Variants in P2RX6 observed in about 807,000 individuals in gnomAD.
The protein encoded by P2RX6 is P2X purinoceptor 6.
A neutral mutation model predicts 54.2 loss-of-function variants in P2RX6; 62 were observed. That is an observed-to-expected ratio of 1.14 (90% confidence interval 0.93 to 1.41). The LOEUF is 1.41. Among genes scored for constraint, P2RX6 ranks in the 40% most tolerant of loss-of-function variants. The pLI, the probability that P2RX6 is intolerant of heterozygous loss-of-function variation, is 0.00. For missense variants in P2RX6, 541 were observed against 566.3 expected, an observed-to-expected ratio of 0.96 and a Z score of 0.45; for synonymous variants, 211 against 231.9, an observed-to-expected ratio of 0.91 and a Z score of 0.82.
intron 8 of P2RX6, 25 bp downstream of exon 8, chr22:21,023,643 C>T (rs558106994): frequency 1.3e-6 from 2 of 1,523,628 alleles, no homozygotes; most frequent in Non-Finnish European, 1.8e-6. Flanking sequence ...CTCCCAGTGC[C>T]CAGCTGCTGG....
chr22:21,023,070 G>A (rs774372941), intron 5 of P2RX6, 35 bp downstream of exon 5: 28 of 1,611,726 alleles, frequency 1.7e-5, no homozygotes, highest in Middle Eastern at 1.6e-4. Flanking sequence ...CCCAACTGGC[G>A]CAGGGCCCCA....
chr22:21,012,427 C>G (rs1457984121), upstream of P2RX6: 4 of 394,972 alleles, frequency 1.0e-5, no homozygotes, highest in African/African-American at 8.4e-5. Flanking sequence ...GCAACACCAG[C>G]AGGACCCAGG....
At position 21,026,875 on chromosome 22, in the gene P2RX6, G is replaced by A. The variant is rs1050727693; in HGVS notation, c.*258G>A. The A allele has an allele frequency of 1.7e-5, 11 of 629,326 alleles. No individual in the cohort carries two copies. The highest frequency in any genetic ancestry group is 1.3e-4 in the African/African-American group (7 of 54,420). 39.0% of individuals were successfully genotyped at this position (629,326 alleles called of 1,614,324 possible). ...GCAGGCACCTGTATTGCAGGGCTCC[G>A]ACTGCATGTGGCAGGGGCTCCTGCT... On this transcript the variant is annotated 3_prime_UTR_variant, in exon 12 of 12. Transcript: ENST00000413302. The surrounding 1 kb of genome is among the most constrained non-coding windows in gnomAD (Gnocchi z 4.0).
chr22:21,016,363 C>T (rs1326390989), intron 2 of P2RX6, among the ~76,000 whole-genome samples: 1 of 151,890 alleles, frequency 6.6e-6, no homozygotes, highest in Non-Finnish European at 1.5e-5. Flanking sequence ...TTTGGGAGGC[C>T]AAGGCAGGTG....
Position 21,026,067 on chromosome 22 carries a change from G to A in P2RX6, c.1041G>A (p.Trp347Ter). Residue 347 changes from tryptophan (W) to a stop codon, truncating the protein, a stop_gained, in exon 10 of 12, where the codon TGG becomes TGA. Coordinates refer to ENST00000413302, the MANE Select transcript of P2RX6 (RefSeq NM_005446.5). LOFTEE classifies it high-confidence loss of function. This position sits in a 1 kb window ranked among gnomAD's most constrained non-coding sequence, Gnocchi z 4.0. ...TAVTLGTGAA[W>*]LGVVTFFCDL... ...TCACACTGGGCACCGGGGCAGCTTG[G>A]CTGGGCGTGGTGAGTGCGAGCACTG... 6.2e-7 allele frequency: 1 copy of A among 1,610,604 alleles called. No homozygotes were observed. Among genetic ancestry groups the A allele is most frequent in the Non-Finnish European group, 8.5e-7 (1 of 1,178,902 alleles).
Position 21,025,845 on chromosome 22 carries a change from C to G in P2RX6, c.931C>G (p.Arg311Gly). Residue 311 changes from arginine to glycine, a missense_variant, in exon 9 of 12, where the codon CGC becomes GGC. This residue lies in a region of P2RX6 where 526 missense variants were observed against 531.5 expected (regional missense o/e 0.99). Transcript: ENST00000413302. ...GTGGGAGCAACCGGGTGTGGAGGCC[C>G]GCACCCTGCTCAAGCTCTATGGAAT... ...HWWEQPGVEARTLLKLYGIRF... is the reference protein window; with the variant it reads ...HWWEQPGVEAGTLLKLYGIRF... 6.4e-7 allele frequency: 1 copy of G among 1,568,578 alleles called. No homozygotes were observed. The highest frequency in any genetic ancestry group is 8.6e-7 in the Non-Finnish European group (1 of 1,157,212).
chr22:21,023,650 C>A, intron 8 of P2RX6, 32 bp downstream of exon 8: 1 of 1,490,654 alleles, frequency 6.7e-7, no homozygotes. Flanking sequence ...TGCCCAGCTG[C>A]TGGGCCCATC....
chr22:21,015,532 T>C (rs1246238707), intron 1 of P2RX6, among the ~76,000 whole-genome samples, 194 bp downstream of exon 1: 2 of 152,060 alleles, frequency 1.3e-5, no homozygotes, highest in Non-Finnish European at 2.9e-5. Context: ...GTTTGTCCTG[T>C]GTGTCCACTT....
chr22:21,025,255 G>A (rs1032127068), intron 8 of P2RX6, among the ~76,000 whole-genome samples: 15 of 152,004 alleles, frequency 9.9e-5, no homozygotes, highest in African/African-American at 3.4e-4. Flanking sequence ...TTCTGCCACC[G>A]AGCGTCACCT....
chr22:21,024,501 C>T (rs895522350), intron 8 of P2RX6, among the ~76,000 whole-genome samples: 14 of 152,182 alleles, frequency 9.2e-5, no homozygotes, highest in Admixed American at 3.3e-4. Context: ...TGGTCTCGAT[C>T]TCTTGACCTC....
chr22:21,022,760 G>C lies in P2RX6; in HGVS notation c.463+9G>C. On this transcript the variant is annotated intron_variant, in intron 4 of 11. Transcript: ENST00000413302. ...AGGCACACACAGCCACGGTAACTGT[G>C]GGCTCTGTCTTCCAGTGCCCCCAGC... 5.1e-6 allele frequency: 8 copies of C among 1,558,092 alleles called. No homozygotes were observed. Among genetic ancestry groups the C allele is most frequent in the Non-Finnish European group, 6.9e-6 (8 of 1,154,438 alleles).
In P2RX6 at chr22:21,021,656, T is replaced by C. The variant is rs923262976; in HGVS notation, c.388-1020T>C. 4.6e-5 allele frequency among the ~76,000 whole-genome samples: 7 copies of C among 151,940 alleles called. No homozygotes were observed. In the East Asian group the frequency reaches 9.6e-4, roughly 21 times the overall value. On this transcript the variant is annotated intron_variant, in intron 3 of 11. Coordinates refer to ENST00000413302, the MANE Select transcript of P2RX6 (RefSeq NM_005446.5). ...GGTGTTCTTCCTGCTGCCCCTGAGC[T>C]GAGTGCCCTGGGCAGCAGTGTCCAT...
upstream of P2RX6, among the ~76,000 whole-genome samples, chr22:21,014,465 TA>T (rs1926002121): frequency 6.6e-6 from 1 of 152,202 alleles, no homozygotes; most frequent in Non-Finnish European, 1.5e-5. Flanking sequence ...CCTGAGAGGA[TA>T]AACTGCACGC....
chr22:21,026,186 A>G lies in P2RX6; in HGVS notation c.1051-66A>G, dbSNP rs939063429. ...GCCTGCACATTGAGTCTCGGGGTGC[A>G]GGCTGGGGAGGTGGCAGGAGAGCAG... On this transcript the variant is annotated intron_variant, in intron 10 of 11. Transcript: ENST00000413302. The surrounding 1 kb of genome is among the most constrained non-coding windows in gnomAD (Gnocchi z 4.0). 28 of 1,536,714 alleles carry G rather than the reference A, an allele frequency of 1.8e-5. No individual in the cohort carries two copies. Among genetic ancestry groups the G allele is most frequent in the East Asian group, 2.4e-5 (1 of 42,226 alleles).
At position 21,027,355 on chromosome 22, in the gene P2RX6, C is replaced by T. The variant is rs1601787058; in HGVS notation, c.*738C>T. ...AGGGCGGCAGGGCTAAGTTGGTGAT[C>T]ATTGGGTTCTTCAGGACCTTCTATA... On this transcript the variant is annotated 3_prime_UTR_variant, in exon 12 of 12. Coordinates refer to ENST00000413302, the MANE Select transcript of P2RX6 (RefSeq NM_005446.5). 1.3e-5 allele frequency: 2 copies of T among 152,470 alleles called. No individual in the cohort carries two copies. The highest frequency in any genetic ancestry group is 4.8e-5 in the African/African-American group (2 of 41,408). The allele number at this position is 152,470 out of a possible 1,614,324, so 9.4% of individuals were successfully genotyped here. A position where few individuals can be genotyped will look rare whatever the true frequency, so the allele number is the denominator to read the frequency against.
At chr22:21,011,473 T>A, upstream of P2RX6, 1 of 708,012 alleles carries the variant, frequency 1.4e-6, no homozygotes, top group Non-Finnish European at 2.6e-6. Flanking sequence ...CTGGGCCGCC[T>A]GCTCCTCCAG....
intron 3 of P2RX6, among the ~76,000 whole-genome samples, chr22:21,022,436 G>A (rs1927565174): frequency 6.6e-6 from 1 of 152,140 alleles, no homozygotes. Flanking sequence ...ATACAGTACT[G>A]TACCTTCATC....
intron 2 of P2RX6, among the ~76,000 whole-genome samples, chr22:21,016,993 G>T (rs1426132295): frequency 6.6e-6 from 1 of 152,090 alleles, no homozygotes; most frequent in Non-Finnish European, 1.5e-5. Context: ...ATCCACTAGT[G>T]CCTCAGCCAG....
rs866709014 is a variant in P2RX6 at position 21,026,870 on chromosome 22, G to C, written c.*253G>C. 5.6e-5 allele frequency: 37 copies of C among 657,032 alleles called. No homozygotes were observed. The highest frequency in any genetic ancestry group is 5.5e-4 in the African/African-American group (30 of 54,964). 40.7% of individuals were successfully genotyped at this position (657,032 alleles called of 1,614,324 possible). On this transcript the variant is annotated 3_prime_UTR_variant, in exon 12 of 12. Coordinates refer to ENST00000413302, the MANE Select transcript of P2RX6 (RefSeq NM_005446.5). The surrounding 1 kb of genome is among the most constrained non-coding windows in gnomAD (Gnocchi z 4.0). ...GCCCAGCAGGCACCTGTATTGCAGG[G>C]CTCCGACTGCATGTGGCAGGGGCTC... is the stretch of plus-strand genomic sequence containing the variant.
Sources: gnomAD v4.1 joint callset for allele counts (sites outside exome capture counted in the v4.1 genomes callset) on GRCh38, gnomAD v4.1.1 for gene constraint, gnomAD v4.1.1 regional missense constraint, Gnocchi (gnomAD v3.1) non-coding constraint, MANE v1.5 for transcripts, NCBI Gene and HGNC (gene_info 2026-07-23, HGNC 2026-07-21) for gene names.